The following SYNPO2 variants were observed in gnomAD, a reference collection of about 807,000 sequenced individuals.
The protein encoded by SYNPO2 is synaptopodin 2, also known as synaptopodin-2.
In SYNPO2, 56 loss-of-function variants were observed where a neutral mutation model predicts 85.0. That is an observed-to-expected ratio of 0.66 (90% CI 0.53 to 0.82). SYNPO2 has a LOEUF of 0.82. Ranked by LOEUF, SYNPO2 falls within the 40% of genes least tolerant of loss-of-function variation. SYNPO2 has a pLI of 0.00. For missense variants in SYNPO2, 1,575 were observed against 1,534.2 expected (o/e 1.03, Z -0.44); for synonymous variants, 602 against 591.1 (o/e 1.02, Z -0.27).
intron 1 of SYNPO2, among the ~76,000 whole-genome samples, chr4:118,944,371 C>T (rs1481474918): frequency 1.3e-5 from 2 of 152,128 alleles, no homozygotes; most frequent in Admixed American, 1.3e-4. Context: ...GTTACCCCAA[C>T]CCCAGTTTCT....
intron 1 of SYNPO2, among the ~76,000 whole-genome samples, chr4:119,005,314 C>T (rs1198406658): frequency 1.3e-5 from 2 of 152,158 alleles, no homozygotes; most frequent in Non-Finnish European, 2.9e-5. Flanking sequence ...TGCCTATGTC[C>T]TGAATGGTAT....
At chr4:118,920,332 A>T (rs776433703) in intron 1 of SYNPO2, among the ~76,000 whole-genome samples, 1 of 152,170 alleles carries the variant, frequency 6.6e-6, no homozygotes, top group Admixed American at 6.5e-5. Flanking sequence ...GCAATTTTAT[A>T]TAAGAACTCA....
chr4:119,041,476 GT>G (rs968249908), intron 4 of SYNPO2, among the ~76,000 whole-genome samples: 5 of 149,002 alleles, frequency 3.4e-5, no homozygotes, highest in Admixed American at 6.7e-5. Flanking sequence ...TTGGTTTGGA[GT>G]TTTTTTTTTA....
At chr4:118,876,069 T>C (rs1473227313) in intron 1 of SYNPO2, among the ~76,000 whole-genome samples, 1 of 152,182 alleles carries the variant, frequency 6.6e-6, no homozygotes, top group East Asian at 1.9e-4. Context: ...GTATTTTACT[T>C]TGGCAGATTT....
intron 1 of SYNPO2, among the ~76,000 whole-genome samples, chr4:118,896,632 G>A (rs990873139): frequency 9.9e-5 from 15 of 152,114 alleles, no homozygotes; most frequent in Middle Eastern, 3.2e-3. Flanking sequence ...TTTCTAAATC[G>A]TCTATCATTC....
chr4:118,860,420 T>A (rs2110565050), intron 1 of SYNPO2, among the ~76,000 whole-genome samples: 1 of 152,154 alleles, frequency 6.6e-6, no homozygotes, highest in South Asian at 2.1e-4. Context: ...CTTTTTGTGT[T>A]TTTTGTAGAG....
chr4:119,054,587 T>C (rs1739152477), intron 4 of SYNPO2, among the ~76,000 whole-genome samples: 1 of 152,112 alleles, frequency 6.6e-6, no homozygotes, highest in East Asian at 1.9e-4. Flanking sequence ...TCCAGCTGTC[T>C]CTCTGAAGTC....
At chr4:118,936,962 C>T (rs1734129443) in intron 1 of SYNPO2, among the ~76,000 whole-genome samples, 1 of 152,134 alleles carries the variant, frequency 6.6e-6, no homozygotes, top group African/African-American at 2.4e-5. Flanking sequence ...ATACACTTCA[C>T]ATACACTCTC....
At position 118,882,191 on chromosome 4, in the gene SYNPO2, A is replaced by G. The variant is rs925545846; in HGVS notation, c.12+31251A>G. 3.9e-5 allele frequency among the ~76,000 whole-genome samples: 6 copies of G among 152,330 alleles called. No individual in the cohort carries two copies. The South Asian group carries it at 1.2e-3, about 32-fold the overall frequency. ...TATTGGGGGGAAGTAAAATGAAACA[A>G]CAAAAAAATACATTATTTCAAAGCT... On this transcript the variant is annotated intron_variant, in intron 1 of 4. Coordinates refer to the SYNPO2 transcript ENST00000610556.
chr4:118,864,842 A>G (rs936532628), intron 1 of SYNPO2, among the ~76,000 whole-genome samples: 1 of 152,178 alleles, frequency 6.6e-6, no homozygotes, highest in Non-Finnish European at 1.5e-5. Flanking sequence ...GTGTCTTTAT[A>G]GATGAAACGT....
At chr4:118,916,284 C>T (rs1733320744) in intron 1 of SYNPO2, among the ~76,000 whole-genome samples, 1 of 151,672 alleles carries the variant, frequency 6.6e-6, no homozygotes, top group Non-Finnish European at 1.5e-5. Flanking sequence ...GTGATCCTCT[C>T]ACCTCAGTCT....
chr4:118,926,786 A>G (rs1174191218), intron 1 of SYNPO2, among the ~76,000 whole-genome samples: 1 of 152,196 alleles, frequency 6.6e-6, no homozygotes, highest in Non-Finnish European at 1.5e-5. Flanking sequence ...TGATTATTAT[A>G]GTCAAATAGG....
intron 1 of SYNPO2, among the ~76,000 whole-genome samples, chr4:118,900,699 C>CTATATATATATA (rs1339820717): frequency 4.4e-4 from 13 of 29,426 alleles, no homozygotes; most frequent in East Asian, 9.7e-4. Flanking sequence ...CTCTCTCTCT[C>CTATATATATATA]TCTCTATATA....
intron 1 of SYNPO2, among the ~76,000 whole-genome samples, chr4:118,916,547 T>C (rs60558175): frequency 0.019 from 2,741 of 140,656 alleles, 92 homozygotes; most frequent in African/African-American, 0.063. Flanking sequence ...CTAAGAAATA[T>C]AAACCTATTA....
At chr4:119,024,464 C>A (rs555870712) in intron 2 of SYNPO2, among the ~76,000 whole-genome samples, 2 of 152,120 alleles carry the variant, frequency 1.3e-5, no homozygotes, top group Admixed American at 1.3e-4. Flanking sequence ...CGCACAGTTA[C>A]CCCTCTGCTA....
intron 1 of SYNPO2, among the ~76,000 whole-genome samples, chr4:118,872,845 T>C (rs1042393358): frequency 2.0e-5 from 3 of 151,220 alleles, no homozygotes; most frequent in Admixed American, 1.3e-4. Context: ...CTTTTGAGTC[T>C]CCATTATCTA....
At chr4:118,989,557 A>T (rs1047613653) in intron 1 of SYNPO2, among the ~76,000 whole-genome samples, 1 of 152,228 alleles carries the variant, frequency 6.6e-6, no homozygotes, top group Non-Finnish European at 1.5e-5. Context: ...GACTCGTTTT[A>T]TTGACTGACA....
chr4:119,060,559 A>C lies in SYNPO2; in HGVS notation c.*2625A>C, dbSNP rs1207965383. On this transcript the variant is annotated 3_prime_UTR_variant, in exon 5 of 5. Coordinates refer to ENST00000307142, the MANE Select transcript of SYNPO2 (RefSeq NM_133477.3). Reference sequence around the variant, plus strand: ...TGAAGTTTGATTCCTATGGGTGAGAAGATGTAGATGACTATTGTTCTCACT... The same window carrying C: ...TGAAGTTTGATTCCTATGGGTGAGACGATGTAGATGACTATTGTTCTCACT... The C allele has an allele frequency of 1.3e-5, 2 of 152,228 alleles. No individual in the cohort carries two copies. Among genetic ancestry groups the C allele is most frequent in the Non-Finnish European group, 2.9e-5 (2 of 68,022 alleles). The allele number at this position is 152,228 out of a possible 1,614,324, so 9.4% of individuals were successfully genotyped here.
rs1055914594 is a variant in SYNPO2 at position 118,952,894 on chromosome 4, A to G, written c.105+63753A>G. On this transcript the variant is annotated intron_variant, in intron 1 of 4. Transcript: ENST00000307142. Reference sequence around the variant, plus strand: ...CTCGGAAGGAATTATTATGATACCAATTTTCTAAAGGAGAAAACTGAAGGT... The same window carrying G: ...CTCGGAAGGAATTATTATGATACCAGTTTTCTAAAGGAGAAAACTGAAGGT... 6.2e-4 allele frequency among the ~76,000 whole-genome samples: 95 copies of G among 152,156 alleles called. 1 individual carries two copies. The highest frequency in any genetic ancestry group is 2.2e-3 in the African/African-American group (91 of 41,448).
Sources: gnomAD v4.1 joint callset for allele counts (sites outside exome capture counted in the v4.1 genomes callset) on GRCh38, gnomAD v4.1.1 for gene constraint, MANE v1.5 for transcripts, NCBI Gene and HGNC (gene_info 2026-07-23, HGNC 2026-07-21) for gene names.